Variants in KCNIP4 observed in about 807,000 individuals in gnomAD.
KCNIP4 encodes Kv channel-interacting protein 4.
Under a neutral mutation model 34.0 loss-of-function variants are expected in KCNIP4, and 12 were observed. That is an observed-to-expected ratio of 0.35 (90% CI 0.23 to 0.57). KCNIP4 has a LOEUF of 0.57. Ranked by LOEUF, KCNIP4 falls within the 20% of genes least tolerant of loss-of-function variation. The probability of loss-of-function intolerance (pLI) is 0.83; values close to 1 mark genes in which losing one functional copy is unlikely to be tolerated. For synonymous variants in KCNIP4, 124 were observed against 102.2 expected, an observed-to-expected ratio of 1.21 and a Z score of -1.29; for missense variants, 238 against 311.7, an observed-to-expected ratio of 0.76 and a Z score of 1.78.
intron 1 of KCNIP4, among the ~76,000 whole-genome samples, chr4:21,052,983 GATCA>G (rs1242286368): frequency 1.3e-5 from 2 of 151,546 alleles, no homozygotes; most frequent in Non-Finnish European, 2.9e-5. Context: ...GAAAGAGAGA[GATCA>G]ATCTGAGAGA....
intron 1 of KCNIP4, among the ~76,000 whole-genome samples, chr4:21,082,875 C>CTATA (rs1375319591): frequency 1.3e-5 from 2 of 151,192 alleles, no homozygotes; most frequent in African/African-American, 4.9e-5. Flanking sequence ...TTCTATCTAT[C>CTATA]TATCTATCTA....
chr4:21,250,694 G>C (rs1256303742), intron 1 of KCNIP4, among the ~76,000 whole-genome samples: 3 of 152,078 alleles, frequency 2.0e-5, no homozygotes, highest in Middle Eastern at 6.8e-3. Context: ...GGATTTAACA[G>C]AGCTGTGATT....
At chr4:21,740,934 A>G (rs973241326) in intron 1 of KCNIP4, among the ~76,000 whole-genome samples, 1 of 152,164 alleles carries the variant, frequency 6.6e-6, no homozygotes, top group Non-Finnish European at 1.5e-5. Flanking sequence ...TACTCAGAAA[A>G]TGTGCTGAAT....
intron 1 of KCNIP4, among the ~76,000 whole-genome samples, chr4:21,186,983 A>G (rs1755279345): frequency 6.6e-6 from 1 of 152,190 alleles, no homozygotes; most frequent in Admixed American, 6.5e-5. Context: ...ATTTAGAAAA[A>G]ATAGTCACCA....
At chr4:21,359,856 T>C (rs1381060443) in intron 1 of KCNIP4, among the ~76,000 whole-genome samples, 3 of 152,256 alleles carry the variant, frequency 2.0e-5, no homozygotes, top group East Asian at 3.9e-4. Flanking sequence ...ATCAATTCTA[T>C]TGTGCATTTA....
At chr4:21,663,543 A>G (rs1308485415) in intron 1 of KCNIP4, among the ~76,000 whole-genome samples, 1 of 152,090 alleles carries the variant, frequency 6.6e-6, no homozygotes, top group African/African-American at 2.4e-5. Context: ...ATGGCTTAGG[A>G]CTGGCTTCAT....
At chr4:21,604,579 C>T (rs962768339) in intron 1 of KCNIP4, among the ~76,000 whole-genome samples, 1 of 151,974 alleles carries the variant, frequency 6.6e-6, no homozygotes, top group Non-Finnish European at 1.5e-5. Context: ...GGATTATTTG[C>T]TATTGGAAAT....
intron 1 of KCNIP4, among the ~76,000 whole-genome samples, chr4:21,202,748 C>A (rs1012502878): frequency 6.6e-6 from 1 of 152,166 alleles, no homozygotes; most frequent in Non-Finnish European, 1.5e-5. Flanking sequence ...CCTCTATGCT[C>A]AATGGATCTC....
chr4:21,201,552 G>T (rs1185815447), intron 1 of KCNIP4, among the ~76,000 whole-genome samples: 2 of 152,158 alleles, frequency 1.3e-5, no homozygotes, highest in African/African-American at 2.4e-5. Context: ...AGGCTGGAGT[G>T]CAGTGGCATG....
At chr4:21,605,127 T>C (rs957493305) in intron 1 of KCNIP4, among the ~76,000 whole-genome samples, 2 of 152,200 alleles carry the variant, frequency 1.3e-5, no homozygotes, top group Non-Finnish European at 2.9e-5. Flanking sequence ...TATTGACCTA[T>C]GGCTCAGAAG....
intron 1 of KCNIP4, among the ~76,000 whole-genome samples, chr4:21,817,908 G>T (rs1722084955): frequency 6.6e-6 from 1 of 152,098 alleles, no homozygotes; most frequent in Non-Finnish European, 1.5e-5. Flanking sequence ...TGTGATCTTT[G>T]TTGGACCCAT....
chr4:21,463,631 T>C (rs1729666579), intron 1 of KCNIP4, among the ~76,000 whole-genome samples: 1 of 152,058 alleles, frequency 6.6e-6, no homozygotes, highest in African/African-American at 2.4e-5. Context: ...TTGAGAAATT[T>C]TGTGTCTACA....
At chr4:21,148,865 T>C (rs953036895) in intron 1 of KCNIP4, among the ~76,000 whole-genome samples, 3 of 152,216 alleles carry the variant, frequency 2.0e-5, no homozygotes, top group South Asian at 2.1e-4. Flanking sequence ...ACTAAAACTT[T>C]GCTGAATGAA....
At chr4:20,822,512 C>T (rs1026526954) in intron 3 of KCNIP4, among the ~76,000 whole-genome samples, 5 of 152,086 alleles carry the variant, frequency 3.3e-5, no homozygotes, top group African/African-American at 9.7e-5. Context: ...GAAAACAATA[C>T]GAAGATTCCT....
intron 1 of KCNIP4, among the ~76,000 whole-genome samples, chr4:21,395,934 G>C (rs1722948126): frequency 6.6e-6 from 1 of 151,956 alleles, no homozygotes; most frequent in Non-Finnish European, 1.5e-5. Context: ...ATCTCAAATA[G>C]AAAACATGCT....
At chr4:20,769,470 T>G (rs1755688118) in intron 3 of KCNIP4, among the ~76,000 whole-genome samples, 2 of 152,108 alleles carry the variant, frequency 1.3e-5, no homozygotes, top group African/African-American at 4.8e-5. Context: ...CAGGGTCTTT[T>G]AAAAATTATG....
At chr4:20,873,080 C>T (rs76972761) in intron 2 of KCNIP4, among the ~76,000 whole-genome samples, 18 of 152,256 alleles carry the variant, frequency 1.2e-4, no homozygotes, top group Admixed American at 3.3e-4. Flanking sequence ...TTTCCAATTA[C>T]GCACAATTCC....
Position 21,144,254 on chromosome 4 carries a change from A to C in KCNIP4, c.62-261545T>G, listed in dbSNP as rs188518603. Among the ~76,000 whole-genome samples, 3 of 152,176 alleles carry C rather than the reference A, an allele frequency of 2.0e-5. No individual in the cohort carries two copies. The East Asian group carries it at 5.8e-4, about 29-fold the overall frequency. ...GGTACTTTAAATCCTTCTTTGAACC[A>C]GTTGTAACATCCATACCATGCTAAA... On this transcript the variant is annotated intron_variant, in intron 1 of 8. Transcript: ENST00000382152.
At chr4:20,969,785 A>AAATT (rs60564440) in intron 1 of KCNIP4, among the ~76,000 whole-genome samples, 72,931 of 151,472 alleles carry the variant, frequency 0.48, 18,976 homozygotes, top group African/African-American at 0.69. Context: ...TATAGGTATT[A>AAATT]ATTTATGAAA....
Sources: allele counts gnomAD v4.1 joint callset (sites outside exome capture counted in the v4.1 genomes callset), GRCh38; gene constraint gnomAD v4.1.1; transcripts MANE v1.5; gene names NCBI Gene and HGNC (gene_info 2026-07-23, HGNC 2026-07-21).